ERC2: variants seen among roughly 807,000 people sequenced by gnomAD.
ERC2 encodes the protein ELKS/RAB6-interacting/CAST family member 2, also known as ERC protein 2.
In ERC2, 42 loss-of-function variants were observed where a neutral mutation model predicts 114.8. That is an observed-to-expected ratio of 0.37 (90% CI 0.29 to 0.47). The LOEUF is 0.47. Among genes scored for constraint, ERC2 ranks in the 20% least tolerant of loss-of-function variants. The probability of loss-of-function intolerance (pLI) is 0.99; values close to 1 mark genes in which losing one functional copy is unlikely to be tolerated. For missense variants in ERC2, 939 were observed against 1,150.7 expected, an observed-to-expected ratio of 0.82 and a Z score of 2.66; for synonymous variants, 454 against 425.5, an observed-to-expected ratio of 1.07 and a Z score of -0.82.
intron 14 of ERC2, among the ~76,000 whole-genome samples, chr3:55,882,623 A>G (rs367584764): frequency 6.6e-6 from 1 of 152,220 alleles, no homozygotes; most frequent in Admixed American, 6.5e-5. Flanking sequence ...TTTTCATAGC[A>G]TCTACATTGT....
chr3:55,785,904 G>A (rs1198902104), intron 14 of ERC2, among the ~76,000 whole-genome samples: 2 of 152,166 alleles, frequency 1.3e-5, no homozygotes, highest in Non-Finnish European at 2.9e-5. Context: ...GTTCCAACTC[G>A]GTGGTTACAG....
At chr3:55,566,476 G>T (rs1349049144) in intron 17 of ERC2, among the ~76,000 whole-genome samples, 3 of 151,872 alleles carry the variant, frequency 2.0e-5, no homozygotes, top group African/African-American at 7.2e-5. Flanking sequence ...AGGTTGAACA[G>T]GTTGGAGTGC....
At chr3:55,609,846 G>A (rs1681880711) in intron 17 of ERC2, among the ~76,000 whole-genome samples, 1 of 151,976 alleles carries the variant, frequency 6.6e-6, no homozygotes, top group Non-Finnish European at 1.5e-5. Context: ...TTTGGTCAAA[G>A]TTGTCTCTCC....
rs188718830 is a variant in ERC2 at position 55,704,652 on chromosome 3, C to T, written c.2713-5140G>A. 2.4e-3 allele frequency among the ~76,000 whole-genome samples: 367 copies of T among 152,232 alleles called. 1 individual carries two copies. The highest frequency in any genetic ancestry group is 3.7e-3 in the South Asian group (18 of 4,820). On this transcript the variant is annotated intron_variant, in intron 15 of 17. Transcript: ENST00000288221. The stretch of plus-strand genomic sequence containing the variant: ...CTGACCATCCACTAGACTCACATAG[C>T]AATGAATCATAATTGAGTAGAATCT...
intron 3 of ERC2, among the ~76,000 whole-genome samples, chr3:56,295,132 G>T (rs926399505): frequency 1.3e-5 from 2 of 152,182 alleles, no homozygotes; most frequent in Non-Finnish European, 2.9e-5. Context: ...ATCTAGTTTG[G>T]TCTAGAAGGA....
At chr3:55,969,846 T>C (rs2069029301) in intron 12 of ERC2, among the ~76,000 whole-genome samples, 1 of 152,186 alleles carries the variant, frequency 6.6e-6, no homozygotes, top group African/African-American at 2.4e-5. Flanking sequence ...CACAGCTCTC[T>C]GGAGAGGCTT....
intron 2 of ERC2, among the ~76,000 whole-genome samples, chr3:56,304,887 A>G (rs1331311980): frequency 6.6e-6 from 1 of 152,188 alleles, no homozygotes; most frequent in African/African-American, 2.4e-5. Flanking sequence ...TCTTAATGGT[A>G]AATGTTAGAA....
At chr3:56,399,001 C>T (rs2060421203) in intron 2 of ERC2, among the ~76,000 whole-genome samples, 1 of 152,164 alleles carries the variant, frequency 6.6e-6, no homozygotes, top group Non-Finnish European at 1.5e-5. Context: ...TGTTTAGTCC[C>T]AGTTCTTCCT....
chr3:56,215,859 AC>A (rs2049432069), intron 3 of ERC2, among the ~76,000 whole-genome samples: 1 of 152,244 alleles, frequency 6.6e-6, no homozygotes. Context: ...CCGCTCAACT[AC>A]ATGGAAACTG....
chr3:55,685,053 C>T (rs372756109), intron 16 of ERC2, among the ~76,000 whole-genome samples: 1 of 152,030 alleles, frequency 6.6e-6, no homozygotes, highest in Non-Finnish European at 1.5e-5. Context: ...ACAGTTCCAC[C>T]TAATCCGGCC....
At chr3:55,946,818 T>A (rs1411203571) in intron 13 of ERC2, among the ~76,000 whole-genome samples, 1 of 152,228 alleles carries the variant, frequency 6.6e-6, no homozygotes, top group Non-Finnish European at 1.5e-5. Context: ...GAACATTCCC[T>A]ATTCCTGTAG....
chr3:55,832,358 C>T (rs1398323870), intron 14 of ERC2, among the ~76,000 whole-genome samples: 1 of 152,220 alleles, frequency 6.6e-6, no homozygotes, highest in Non-Finnish European at 1.5e-5. Flanking sequence ...AGGCATCCCC[C>T]AGTAGGGGCA....
intron 12 of ERC2, among the ~76,000 whole-genome samples, chr3:55,955,855 G>A (rs1023987045): frequency 2.6e-5 from 4 of 152,202 alleles, no homozygotes; most frequent in South Asian, 2.1e-4. Context: ...GCTAAACCTC[G>A]GAAGCAGACT....
At chr3:55,947,806 A>G (rs1437965691) in intron 13 of ERC2, among the ~76,000 whole-genome samples, 2 of 152,216 alleles carry the variant, frequency 1.3e-5, no homozygotes, top group Admixed American at 1.3e-4. Flanking sequence ...CAGCATTATT[A>G]TGGCAATTGC....
intron 15 of ERC2, among the ~76,000 whole-genome samples, chr3:55,699,890 AGATG>A (rs1257779057): frequency 6.6e-6 from 1 of 152,188 alleles, no homozygotes; most frequent in African/African-American, 2.4e-5. Flanking sequence ...AGCAAGCTGG[AGATG>A]GAAGTCCTGT....
chr3:56,321,775 G>A (rs2057138194), intron 2 of ERC2, among the ~76,000 whole-genome samples: 1 of 152,132 alleles, frequency 6.6e-6, no homozygotes, highest in Admixed American at 6.5e-5. Context: ...TCACCCATAA[G>A]GCCTAACTGG....
intron 17 of ERC2, among the ~76,000 whole-genome samples, chr3:55,585,622 T>C (rs1245353838): frequency 6.6e-6 from 1 of 152,220 alleles, no homozygotes; most frequent in Non-Finnish European, 1.5e-5. Context: ...TCTATTTGAA[T>C]TACCCCTGTT....
At chr3:55,709,031 C>T (rs1403825864) in intron 15 of ERC2, among the ~76,000 whole-genome samples, 1 of 152,068 alleles carries the variant, frequency 6.6e-6, no homozygotes, top group Non-Finnish European at 1.5e-5. Flanking sequence ...ATTCATAATC[C>T]AACAAATATT....
At chr3:55,656,136 T>C (rs528266209) in intron 17 of ERC2, among the ~76,000 whole-genome samples, 2 of 147,474 alleles carry the variant, frequency 1.4e-5, no homozygotes, top group African/African-American at 5.0e-5. Flanking sequence ...TTCTGAGTTT[T>C]GATTTAAAGA....
Sources: allele counts gnomAD v4.1 joint callset (sites outside exome capture counted in the v4.1 genomes callset), GRCh38; gene constraint gnomAD v4.1.1; transcripts MANE v1.5; gene names NCBI Gene and HGNC (gene_info 2026-07-23, HGNC 2026-07-21).